Variants in ITSN1 observed in about 807,000 individuals in gnomAD.
ITSN1 encodes the protein intersectin 1, also known as intersectin-1.
ITSN1 carries 58 observed loss-of-function variants against 239.8 expected under a neutral mutation model. The ratio of observed to expected loss-of-function variants is 0.24; its 90% CI spans 0.20 to 0.30. The LOEUF (loss-of-function observed/expected upper bound fraction) is 0.30, where lower values mean the gene tolerates loss of function less well. Among genes scored for constraint, ITSN1 ranks in the 10% least tolerant of loss-of-function variants. ITSN1 has a pLI of 1.00. For synonymous variants in ITSN1, 780 were observed against 770.8 expected, an observed-to-expected ratio of 1.01 and a Z score of -0.20; for missense variants, 1,558 against 2,103.3, an observed-to-expected ratio of 0.74 and a Z score of 5.07.
intron 34 of ITSN1, among the ~76,000 whole-genome samples, chr21:33,879,308 AC>A (rs1984510065): frequency 6.6e-6 from 1 of 152,120 alleles, no homozygotes; most frequent in South Asian, 2.1e-4. Flanking sequence ...CCATGATCGC[AC>A]CACTATACTC....
intron 29 of ITSN1, chr21:33,837,358 AAAAT>A (rs1418469064): frequency 7.0e-6 from 7 of 1,003,596 alleles, no homozygotes; most frequent in East Asian, 9.0e-5. Flanking sequence ...TTTAATAAAC[AAAAT>A]AAATAAATGA....
rs548471952 is a variant in ITSN1 at position 33,896,070 on chromosome 21, C to T, written c.*7770C>T. On this transcript the variant is annotated 3_prime_UTR_variant, in exon 40 of 40. Transcript: ENST00000381318. The stretch of plus-strand genomic sequence containing the variant: ...CTTAGGTCTTCTTACTTTGAAAGGT[C>T]TCCCGGCAGGCTGTGGCAAGCTGCG... 16 of 152,440 alleles carry T rather than the reference C, an allele frequency of 1.0e-4. No individual in the cohort carries two copies. Among genetic ancestry groups the T allele is most frequent in the African/African-American group, 3.4e-4 (14 of 41,584 alleles). 9.4% of individuals were successfully genotyped at this position (152,440 alleles called of 1,614,324 possible).
intron 5 of ITSN1, among the ~76,000 whole-genome samples, chr21:33,740,530 T>C (rs1160329936): frequency 3.3e-5 from 5 of 152,116 alleles, no homozygotes; most frequent in Admixed American, 6.5e-5. Context: ...ACAGTGCTGA[T>C]TAGATTTGAT....
At chr21:33,823,413 T>G (rs1213948611) in intron 24 of ITSN1, 74 bp from the exon 25 acceptor site, 2 of 1,362,564 alleles carry the variant, frequency 1.5e-6, no homozygotes, top group African/African-American at 2.9e-5. Context: ...TTCGTAAACT[T>G]GCTTTTGCAA....
At chr21:33,731,278 C>T (rs2066168704) in intron 4 of ITSN1, among the ~76,000 whole-genome samples, 1 of 152,170 alleles carries the variant, frequency 6.6e-6, no homozygotes, top group Admixed American at 6.5e-5. Flanking sequence ...ATTCCTGTTT[C>T]TCACCAGAGA....
In ITSN1 at chr21:33,718,985, A is replaced by G. The variant is rs904744014; in HGVS notation, c.28+129A>G. On this transcript the variant is annotated intron_variant, in intron 2 of 39. Coordinates refer to ENST00000381318, the MANE Select transcript of ITSN1 (RefSeq NM_003024.3). The stretch of plus-strand genomic sequence containing the variant: ...TCAGCATTCATGTATTCCATCATAT[A>G]GTTTCATTAATTATCAACTCATGCC... The G allele has an allele frequency of 4.8e-5, 35 of 728,096 alleles. 1 individual carries two copies. Among genetic ancestry groups the G allele is most frequent in the Middle Eastern group, 7.2e-4 (2 of 2,784 alleles). 45.1% of individuals were successfully genotyped at this position (728,096 alleles called of 1,614,324 possible). A position where few individuals can be genotyped will look rare whatever the true frequency, so the allele number is the denominator to read the frequency against.
chr21:33,827,637 A>C (rs749462438), intron 26 of ITSN1, among the ~76,000 whole-genome samples: 3 of 152,212 alleles, frequency 2.0e-5, no homozygotes, highest in Non-Finnish European at 2.9e-5. Context: ...TTTCCTCGGT[A>C]CACATTGAAG....
At chr21:33,780,141 G>C (rs1421327605) in intron 14 of ITSN1, among the ~76,000 whole-genome samples, 3 of 152,132 alleles carry the variant, frequency 2.0e-5, no homozygotes, top group African/African-American at 4.8e-5. Flanking sequence ...GTTAACTCTT[G>C]AGGTAAAGTT....
intron 26 of ITSN1, chr21:33,829,035 G>T: frequency 2.1e-6 from 1 of 469,332 alleles, no homozygotes. Context: ...TGATATTCAG[G>T]GATCACTCTC....
At chr21:33,757,641 T>C (rs2068018487) in intron 8 of ITSN1, among the ~76,000 whole-genome samples, 1 of 152,176 alleles carries the variant, frequency 6.6e-6, no homozygotes. Flanking sequence ...TTGAGGTGGA[T>C]GGAACATAAA....
At chr21:33,877,513 AG>A (rs571590178) in intron 34 of ITSN1, among the ~76,000 whole-genome samples, 173 of 152,310 alleles carry the variant, frequency 1.1e-3, no homozygotes, top group African/African-American at 4.0e-3. Context: ...ACACATTCTC[AG>A]GGCACGTTTT....
chr21:33,820,423 A>G (rs1485289005), intron 24 of ITSN1, among the ~76,000 whole-genome samples: 1 of 152,220 alleles, frequency 6.6e-6, no homozygotes, highest in Non-Finnish European at 1.5e-5. Flanking sequence ...GTAATTCTTT[A>G]TGGGTTCCTT....
intron 1 of ITSN1, among the ~76,000 whole-genome samples, chr21:33,656,341 G>T (rs2089071269): frequency 6.6e-6 from 1 of 152,196 alleles, no homozygotes; most frequent in South Asian, 2.1e-4. Flanking sequence ...TATGATCAGT[G>T]TCATACAAAT....
At chr21:33,712,524 C>T (rs1472750771) in intron 1 of ITSN1, among the ~76,000 whole-genome samples, 1 of 152,156 alleles carries the variant, frequency 6.6e-6, no homozygotes, top group Non-Finnish European at 1.5e-5. Context: ...CACACAATGG[C>T]AGGTCCCATT....
chr21:33,883,278 T>C (rs1985230842), intron 35 of ITSN1, among the ~76,000 whole-genome samples: 1 of 152,230 alleles, frequency 6.6e-6, no homozygotes, highest in Admixed American at 6.5e-5. Context: ...ATTTGTAATA[T>C]GTAAAAGTTG....
intron 1 of ITSN1, among the ~76,000 whole-genome samples, chr21:33,646,365 A>G (rs1257550748): frequency 1.3e-5 from 2 of 152,240 alleles, no homozygotes; most frequent in Admixed American, 6.5e-5. Context: ...TATTTGGTAT[A>G]TTGTCTTATA....
chr21:33,848,031 C>T (rs2075038243), intron 29 of ITSN1, among the ~76,000 whole-genome samples: 1 of 152,200 alleles, frequency 6.6e-6, no homozygotes, highest in South Asian at 2.1e-4. Flanking sequence ...GCCACAGCCC[C>T]GTCCATGCCA....
In ITSN1 at chr21:33,882,170, T is replaced by G; in HGVS notation, c.4342-73T>G. 7.5e-7 allele frequency: 1 copy of G among 1,341,614 alleles called. No individual in the cohort carries two copies. Among genetic ancestry groups the G allele is most frequent in the Non-Finnish European group, 1.0e-6 (1 of 961,360 alleles). 83.1% of individuals were successfully genotyped at this position (1,341,614 alleles called of 1,614,324 possible). On this transcript the variant is annotated intron_variant, in intron 34 of 39. Transcript: ENST00000381318. This position sits in a 1 kb window ranked among gnomAD's most constrained non-coding sequence, Gnocchi z 4.5. ...AGTCTGCTGGGGCCTGGCCTCTGAT[T>G]CTGATGGAGCCCATGCTTTCAGATG...
At chr21:33,828,155 A>G (rs2074076603) in intron 26 of ITSN1, among the ~76,000 whole-genome samples, 1 of 152,256 alleles carries the variant, frequency 6.6e-6, no homozygotes, top group African/African-American at 2.4e-5. Flanking sequence ...AAAGGACACA[A>G]AAGACTGCAG....
Sources: gnomAD v4.1 joint callset for allele counts (sites outside exome capture counted in the v4.1 genomes callset) on GRCh38, gnomAD v4.1.1 for gene constraint, Gnocchi (gnomAD v3.1) non-coding constraint, MANE v1.5 for transcripts, NCBI Gene and HGNC (gene_info 2026-07-23, HGNC 2026-07-21) for gene names.